Variants in UNC13C observed in about 807,000 individuals in gnomAD.
UNC13C encodes unc-13 homolog C.
A neutral mutation model predicts 245.4 loss-of-function variants in UNC13C; 174 were observed. That is an observed-to-expected ratio of 0.71 (90% CI 0.63 to 0.80). The LOEUF is 0.80. Among genes scored for constraint, UNC13C ranks in the 30% least tolerant of loss-of-function variants. The probability of loss-of-function intolerance (pLI) is 0.00; values close to 1 mark genes in which losing one functional copy is unlikely to be tolerated. For synonymous variants in UNC13C, 992 were observed against 895.1 expected, an observed-to-expected ratio of 1.11 and a Z score of -1.93; for missense variants, 2,829 against 2,602.9, an observed-to-expected ratio of 1.09 and a Z score of -1.89.
chr15:54,354,405 T>C (rs1005326071), intron 17 of UNC13C, among the ~76,000 whole-genome samples: 3 of 152,204 alleles, frequency 2.0e-5, no homozygotes, highest in Non-Finnish European at 4.4e-5. Flanking sequence ...CTTCTACTGA[T>C]TCTGTTAGCC....
In UNC13C at chr15:54,500,125, G is replaced by A. The variant is rs894736352; in HGVS notation, c.5107G>A (p.Val1703Met). 3.7e-6 allele frequency: 6 copies of A among 1,611,418 alleles called. No individual in the cohort carries two copies. The African/African-American group carries it at 6.7e-5, about 18-fold the overall frequency. ...VMQWLDENEDVSMEFLHGALG... is the reference protein window; with the variant it reads ...VMQWLDENEDMSMEFLHGALG... ...GCAATGGCTAGATGAAAACGAAGAT[G>A]TGTCAATGGAATTCCTTCATGGAGC... The change falls in exon 21 of 33, where the codon GTG becomes ATG. Residue 1703 changes from valine (V) to methionine (M), a missense_variant. Transcript: ENST00000260323.
At chr15:54,168,416 A>G (rs1017621023) in intron 4 of UNC13C, among the ~76,000 whole-genome samples, 2 of 152,158 alleles carry the variant, frequency 1.3e-5, no homozygotes, top group African/African-American at 4.8e-5. Context: ...TTGTTGCTAG[A>G]TATTAAATAT....
At chr15:53,878,324 G>A in the UNC13C span, among the ~76,000 whole-genome samples, 1 of 152,076 alleles carries the variant, frequency 6.6e-6, no homozygotes, top group Non-Finnish European at 1.5e-5. Context: ...ACTCATACAG[G>A]ACTCTAGAGT....
At chr15:53,858,428 GT>G in the UNC13C span, among the ~76,000 whole-genome samples, 8 of 144,718 alleles carry the variant, frequency 5.5e-5, no homozygotes, top group Non-Finnish European at 7.6e-5. Flanking sequence ...GTTTTTGTTT[GT>G]TTTTTTTTTG....
At chr15:54,167,548 G>C (rs113159192) in intron 4 of UNC13C, among the ~76,000 whole-genome samples, 3,456 of 116,638 alleles carry the variant, frequency 0.03, 217 homozygotes, top group African/African-American at 0.11. Flanking sequence ...AGATACTCTT[G>C]AACAGATGGT....
chr15:54,174,587 C>G (rs1425788610), intron 4 of UNC13C, among the ~76,000 whole-genome samples: 1 of 152,068 alleles, frequency 6.6e-6, no homozygotes, highest in Non-Finnish European at 1.5e-5. Flanking sequence ...TTAAAACCAG[C>G]TTACCCTTAG....
chr15:54,465,904 T>C (rs1170439385), intron 19 of UNC13C, among the ~76,000 whole-genome samples: 1 of 152,030 alleles, frequency 6.6e-6, no homozygotes, highest in Non-Finnish European at 1.5e-5. Context: ...CTTTCAGATG[T>C]CAATGTGCAA....
chr15:54,524,907 G>A (rs1039869734), intron 24 of UNC13C, among the ~76,000 whole-genome samples: 23 of 152,052 alleles, frequency 1.5e-4, no homozygotes, highest in African/African-American at 4.6e-4. Context: ...TGCTATTTAC[G>A]TGAATTTCTC....
chr15:54,547,115 T>C (rs943460211), intron 27 of UNC13C, among the ~76,000 whole-genome samples: 1 of 152,166 alleles, frequency 6.6e-6, no homozygotes, highest in Non-Finnish European at 1.5e-5. Flanking sequence ...TTATCTGGTT[T>C]ACACATACAA....
In UNC13C at chr15:54,190,992, ATTAGT is replaced by A. The variant is rs552677549; in HGVS notation, c.3072-44032_3072-44028del. Among the ~76,000 whole-genome samples, 768 of 152,206 alleles carry A rather than the reference ATTAGT, an allele frequency of 5.0e-3. 9 individuals carry two copies. Among genetic ancestry groups the A allele is most frequent in the African/African-American group, 0.018 (738 of 41,540 alleles). ...ACTTTCCGTAATAAGCAATGATAAA[ATTAGT>A]TTAGTCCATATTAGTTTAGTTCCTC... On this transcript the variant is annotated intron_variant, in intron 4 of 32. Coordinates refer to ENST00000260323, the MANE Select transcript of UNC13C (RefSeq NM_001080534.3).
the UNC13C span, among the ~76,000 whole-genome samples, chr15:53,851,742 G>C: frequency 6.6e-6 from 1 of 151,958 alleles, no homozygotes; most frequent in Non-Finnish European, 1.5e-5. Context: ...GCATTGTGAC[G>C]TGGTTGTCCA....
At chr15:53,996,712 T>C (rs982160243) in intron 1 of UNC13C, among the ~76,000 whole-genome samples, 1 of 152,158 alleles carries the variant, frequency 6.6e-6, no homozygotes, top group Non-Finnish European at 1.5e-5. Flanking sequence ...CATAAAATCA[T>C]AGAGTATGTA....
chr15:54,044,194 A>G (rs1187957319), intron 2 of UNC13C, among the ~76,000 whole-genome samples: 1 of 152,024 alleles, frequency 6.6e-6, no homozygotes, highest in Non-Finnish European at 1.5e-5. Flanking sequence ...TTTGCATCTG[A>G]TTTCTTTTAC....
Position 54,247,643 on chromosome 15 carries a change from C to G in UNC13C, c.3229-2582C>G, listed in dbSNP as rs539132147. On this transcript the variant is annotated intron_variant, in intron 7 of 32. Transcript: ENST00000260323. ...AGATCTTATTAAAGGGGATATATAC[C>G]CTCTAGTAGGTTGTCTAATGTTTTA... is the stretch of plus-strand genomic sequence containing the variant. Among the ~76,000 whole-genome samples, 5 of 151,974 alleles carry G rather than the reference C, an allele frequency of 3.3e-5. No individual in the cohort carries two copies. The South Asian group carries it at 1.0e-3, about 32-fold the overall frequency.
intron 4 of UNC13C, among the ~76,000 whole-genome samples, chr15:54,176,201 C>A (rs1314613601): frequency 6.7e-6 from 1 of 149,098 alleles, no homozygotes; most frequent in Non-Finnish European, 1.5e-5. Context: ...TTTTTTTTTT[C>A]TCTGCTAAAT....
chr15:54,458,754 C>CT (rs1336942346), intron 19 of UNC13C, among the ~76,000 whole-genome samples: 2 of 109,044 alleles, frequency 1.8e-5, no homozygotes, highest in African/African-American at 3.5e-5. Flanking sequence ...CATGGAATAT[C>CT]TTTTCCATCC....
In UNC13C at chr15:54,387,111, A is replaced by G. The variant is rs187028120; in HGVS notation, c.4714-5937A>G. ...GGCCCAGACAAGGAGTGTTCTTGGCATCATGCAGGAAAGAATTCAAAAATG... is the reference window on the plus strand; with the variant it reads ...GGCCCAGACAAGGAGTGTTCTTGGCGTCATGCAGGAAAGAATTCAAAAATG... On this transcript the variant is annotated intron_variant, in intron 17 of 32. Transcript: ENST00000260323. Among the ~76,000 whole-genome samples the G allele has an allele frequency of 5.2e-3, 789 of 152,248 alleles. 2 individuals are homozygous for G. Among genetic ancestry groups the G allele is most frequent in the Non-Finnish European group, 9.1e-3 (616 of 68,012 alleles).
chr15:54,148,882 C>T (rs187438832), intron 4 of UNC13C, among the ~76,000 whole-genome samples: 91 of 152,238 alleles, frequency 6.0e-4, no homozygotes, highest in Non-Finnish European at 1.5e-5. Flanking sequence ...AATGACAGCC[C>T]CCACATAACA....
intron 4 of UNC13C, among the ~76,000 whole-genome samples, chr15:54,165,787 G>T (rs1242997572): frequency 6.6e-6 from 1 of 151,586 alleles, no homozygotes; most frequent in African/African-American, 2.4e-5. Flanking sequence ...AAAAATTTTG[G>T]TTCATTTTAT....
Sources: gnomAD v4.1 joint callset for allele counts (sites outside exome capture counted in the v4.1 genomes callset) on GRCh38, gnomAD v4.1.1 for gene constraint, MANE v1.5 for transcripts, NCBI Gene and HGNC (gene_info 2026-07-23, HGNC 2026-07-21) for gene names.